Variants in MSH3 observed in about 807,000 individuals in gnomAD.
The protein encoded by MSH3 is mutS homolog 3, also known as DNA mismatch repair protein Msh3.
A neutral mutation model predicts 123.3 loss-of-function variants in MSH3; 106 were observed. That is an observed-to-expected ratio of 0.86 (90% confidence interval 0.73 to 1.01). The LOEUF is 1.01. Among genes scored for constraint, MSH3 ranks in the 50% least tolerant of loss-of-function variants. MSH3 has a pLI of 0.00. For synonymous variants in MSH3, 515 were observed against 481.4 expected, an observed-to-expected ratio of 1.07 and a Z score of -0.91; for missense variants, 1,459 against 1,347.6, an observed-to-expected ratio of 1.08 and a Z score of -1.29.
chr5:80,734,045 A>G (rs540076134), intron 10 of MSH3, among the ~76,000 whole-genome samples: 1 of 152,272 alleles, frequency 6.6e-6, no homozygotes, highest in East Asian at 1.9e-4. Flanking sequence ...AGTAGAAACA[A>G]CTCTAATGTC....
At chr5:80,781,720 A>C (rs1744413627) in intron 17 of MSH3, among the ~76,000 whole-genome samples, 1 of 151,874 alleles carries the variant, frequency 6.6e-6, no homozygotes, top group Admixed American at 6.6e-5. Flanking sequence ...CTGTTATCAA[A>C]TTTCTGATTG....
At chr5:80,713,517 T>A (rs1009021795) in intron 8 of MSH3, among the ~76,000 whole-genome samples, 1 of 152,152 alleles carries the variant, frequency 6.6e-6, no homozygotes, top group Non-Finnish European at 1.5e-5. Context: ...GGAGCACATC[T>A]TCTGTTCATG....
chr5:80,752,969 A>G (rs1314470866), intron 12 of MSH3, among the ~76,000 whole-genome samples: 1 of 152,224 alleles, frequency 6.6e-6, no homozygotes, highest in Non-Finnish European at 1.5e-5. Context: ...TTCTTGTCAC[A>G]TAGGCAGTCA....
At chr5:80,674,331 C>T (rs1248520447) in intron 6 of MSH3, among the ~76,000 whole-genome samples, 2 of 152,120 alleles carry the variant, frequency 1.3e-5, no homozygotes, top group African/African-American at 2.4e-5. Flanking sequence ...CATACATGCA[C>T]ATATAATGTA....
intron 19 of MSH3, among the ~76,000 whole-genome samples, chr5:80,793,651 C>T (rs1183721302): frequency 6.6e-6 from 1 of 152,074 alleles, no homozygotes; most frequent in Non-Finnish European, 1.5e-5. Context: ...TGAAGCATAG[C>T]AGGAGGAATT....
intron 15 of MSH3, among the ~76,000 whole-genome samples, chr5:80,773,396 C>A (rs1318349544): frequency 6.6e-6 from 1 of 152,196 alleles, no homozygotes; most frequent in Non-Finnish European, 1.5e-5. Flanking sequence ...AGACTCTTCA[C>A]TCTTAACTAT....
intron 18 of MSH3, among the ~76,000 whole-genome samples, chr5:80,791,605 A>ATT (rs200462999): frequency 6.6e-6 from 1 of 151,986 alleles, no homozygotes; most frequent in African/African-American, 2.4e-5. Flanking sequence ...CATGAGGTTG[A>ATT]TTTTTTTTAC....
intron 10 of MSH3, among the ~76,000 whole-genome samples, chr5:80,732,471 G>A (rs1206923852): frequency 2.0e-5 from 3 of 152,012 alleles, no homozygotes; most frequent in African/African-American, 7.2e-5. Flanking sequence ...CTACTCTCAT[G>A]ACATCTAATG....
intron 12 of MSH3, among the ~76,000 whole-genome samples, chr5:80,749,197 G>T (rs1226106813): frequency 1.3e-5 from 2 of 152,140 alleles, no homozygotes; most frequent in Admixed American, 6.5e-5. Flanking sequence ...ACGCTGAGGG[G>T]CAAGGAAGCC....
At chr5:80,773,547 T>C (rs1244142322) in intron 15 of MSH3, among the ~76,000 whole-genome samples, 2 of 152,168 alleles carry the variant, frequency 1.3e-5, no homozygotes, top group Non-Finnish European at 2.9e-5. Flanking sequence ...CTACAGTGTT[T>C]CTATTAATGG....
At chr5:80,686,332 T>TCAAAAACATAATATGTTAAAGC (rs1293901318) in intron 8 of MSH3, among the ~76,000 whole-genome samples, 1 of 152,084 alleles carries the variant, frequency 6.6e-6, no homozygotes, top group African/African-American at 2.4e-5. Flanking sequence ...AGACAGAGTC[T>TCAAAAACATAATATGTTAAAGC]TGCTCTGTCA....
intron 20 of MSH3, among the ~76,000 whole-genome samples, chr5:80,815,553 A>G (rs1292127274): frequency 1.3e-5 from 2 of 152,186 alleles, no homozygotes; most frequent in African/African-American, 4.8e-5. Context: ...CTGGTGTTTC[A>G]GTGGCTCTGC....
chr5:80,670,389 T>G, intron 4 of MSH3, 80 bp downstream of exon 4: 1 of 1,389,806 alleles, frequency 7.2e-7, no homozygotes, highest in Non-Finnish European at 1.0e-6. Context: ...TTTCATTTTC[T>G]GACCTTATAT....
At chr5:80,739,222 A>C (rs974013610) in intron 10 of MSH3, among the ~76,000 whole-genome samples, 1 of 152,218 alleles carries the variant, frequency 6.6e-6, no homozygotes, top group Non-Finnish European at 1.5e-5. Context: ...ATCTAAACAC[A>C]TAGGTAACTG....
At chr5:80,803,474 C>T (rs1744827939) in intron 19 of MSH3, among the ~76,000 whole-genome samples, 1 of 129,606 alleles carries the variant, frequency 7.7e-6, no homozygotes, top group Non-Finnish European at 1.7e-5. Flanking sequence ...GGTTAGCGTT[C>T]CTTTATCAGA....
chr5:80,703,465 T>C (rs1750654075), intron 8 of MSH3, among the ~76,000 whole-genome samples: 1 of 152,144 alleles, frequency 6.6e-6, no homozygotes, highest in African/African-American at 2.4e-5. Flanking sequence ...GGGAGCAGCC[T>C]GGCCTGCAGG....
intron 10 of MSH3, among the ~76,000 whole-genome samples, chr5:80,732,693 C>T (rs1743433436): frequency 6.6e-6 from 1 of 152,112 alleles, no homozygotes. Context: ...GATTGTACTC[C>T]ATGACTATTG....
At chr5:80,829,113 C>T (rs1745375776) in intron 20 of MSH3, among the ~76,000 whole-genome samples, 1 of 152,226 alleles carries the variant, frequency 6.6e-6, no homozygotes, top group South Asian at 2.1e-4. Context: ...GGGCAGAGCC[C>T]TCATCACCCA....
intron 7 of MSH3, among the ~76,000 whole-genome samples, chr5:80,676,701 T>G (rs984700150): frequency 6.6e-6 from 1 of 152,208 alleles, no homozygotes; most frequent in African/African-American, 2.4e-5. Context: ...AATGATATTT[T>G]TATCCTTGAG....
Sources: gnomAD v4.1 joint callset for allele counts (sites outside exome capture counted in the v4.1 genomes callset) on GRCh38, gnomAD v4.1.1 for gene constraint, MANE v1.5 for transcripts, NCBI Gene and HGNC (gene_info 2026-07-23, HGNC 2026-07-21) for gene names.